NKAIN3: variants seen among roughly 807,000 people sequenced by gnomAD.
NKAIN3 encodes the protein sodium/potassium transporting ATPase interacting 3.
In NKAIN3, 25 loss-of-function variants were observed where a neutral mutation model predicts 30.2. That is an observed-to-expected ratio of 0.83 (90% CI 0.60 to 1.16). NKAIN3 has a LOEUF of 1.16. Ranked by LOEUF, NKAIN3 falls within the 50% of genes most tolerant of loss-of-function variation. NKAIN3 has a pLI of 0.00. For synonymous variants in NKAIN3, 91 were observed against 89.6 expected, an observed-to-expected ratio of 1.02 and a Z score of -0.09; for missense variants, 225 against 254.1, an observed-to-expected ratio of 0.89 and a Z score of 0.78.
intron 4 of NKAIN3, among the ~76,000 whole-genome samples, chr8:62,851,027 A>G (rs1460435877): frequency 6.6e-6 from 1 of 151,906 alleles, no homozygotes; most frequent in African/African-American, 2.4e-5. Context: ...ATGGCATTGA[A>G]TCTCTAAATT....
At chr8:62,512,878 A>T (rs1254906611) in intron 1 of NKAIN3, among the ~76,000 whole-genome samples, 10 of 152,106 alleles carry the variant, frequency 6.6e-5, no homozygotes, top group Non-Finnish European at 1.3e-4. Flanking sequence ...CTCTGAACAG[A>T]TGGTGCATTA....
chr8:62,348,106 C>T (rs1200990787), intron 1 of NKAIN3, among the ~76,000 whole-genome samples: 1 of 151,940 alleles, frequency 6.6e-6, no homozygotes, highest in Non-Finnish European at 1.5e-5. Flanking sequence ...AGCCTTGATC[C>T]TAATTTCCAA....
At chr8:62,919,991 G>T (rs1011731884) in intron 5 of NKAIN3, among the ~76,000 whole-genome samples, 1 of 147,722 alleles carries the variant, frequency 6.8e-6, no homozygotes, top group Admixed American at 6.7e-5. Flanking sequence ...TTTTCATTTT[G>T]AGGTTAACTT....
intron 3 of NKAIN3, among the ~76,000 whole-genome samples, chr8:62,738,522 C>T (rs1355074962): frequency 6.8e-6 from 1 of 147,980 alleles, no homozygotes; most frequent in Non-Finnish European, 1.5e-5. Flanking sequence ...TTGCTTGGAC[C>T]TAGGAGGCAT....
In NKAIN3 at chr8:62,874,802, T is replaced by C. The variant is rs1383781031; in HGVS notation, c.472-43651T>C. On this transcript the variant is annotated intron_variant, in intron 4 of 6. Transcript: ENST00000623646. ...TAAAAACTCTCAATAAACTAGGTAT[T>C]GATGGAATATATCTCAAAATAATAG... Among the ~76,000 whole-genome samples the C allele has an allele frequency of 2.0e-5, 3 of 152,172 alleles. No homozygotes were observed. The East Asian group carries it at 5.8e-4, about 29-fold the overall frequency.
chr8:62,572,036 C>A (rs1809959798), intron 1 of NKAIN3, among the ~76,000 whole-genome samples: 2 of 152,148 alleles, frequency 1.3e-5, no homozygotes, highest in South Asian at 2.1e-4. Flanking sequence ...CTGTAGCTGG[C>A]TTGAATTTCA....
At chr8:62,580,680 C>T (rs1305784663) in intron 2 of NKAIN3, among the ~76,000 whole-genome samples, 1 of 152,018 alleles carries the variant, frequency 6.6e-6, no homozygotes, top group African/African-American at 2.4e-5. Flanking sequence ...ATTTCTTTCA[C>T]CATTTCACAG....
chr8:62,301,494 T>C (rs1279787494), intron 1 of NKAIN3, among the ~76,000 whole-genome samples: 1 of 152,080 alleles, frequency 6.6e-6, no homozygotes, highest in Non-Finnish European at 1.5e-5. Flanking sequence ...GAACACTGTT[T>C]GAACAGTTGG....
intron 1 of NKAIN3, among the ~76,000 whole-genome samples, chr8:62,282,083 C>T (rs1470119726): frequency 6.6e-6 from 1 of 151,998 alleles, no homozygotes; most frequent in African/African-American, 2.4e-5. Context: ...ATGCACAAAT[C>T]CTTTTTGTTC....
chr8:62,658,082 A>C (rs1812818409), intron 3 of NKAIN3, among the ~76,000 whole-genome samples: 1 of 152,220 alleles, frequency 6.6e-6, no homozygotes, highest in African/African-American at 2.4e-5. Flanking sequence ...CGAGGCATAG[A>C]TAATCCCAAG....
At chr8:62,441,475 CAT>C (rs1805322655) in intron 1 of NKAIN3, among the ~76,000 whole-genome samples, 1 of 151,848 alleles carries the variant, frequency 6.6e-6, no homozygotes, top group Admixed American at 6.6e-5. Context: ...ATGTCTTGTG[CAT>C]TGTTTACACA....
rs567299338 is a variant in NKAIN3 at position 62,290,477 on chromosome 8, C to T, written c.54+41350C>T. ...AGGGCTATTGAATTTTGTCAAAGGC[C>T]TTTTCTGCATCTATTGAGATAATCA... is the stretch of plus-strand genomic sequence containing the variant. On this transcript the variant is annotated intron_variant, in intron 1 of 6. Coordinates refer to ENST00000623646, the MANE Select transcript of NKAIN3 (RefSeq NM_001304533.3). Among the ~76,000 whole-genome samples, 14 of 152,236 alleles carry T rather than the reference C, an allele frequency of 9.2e-5. No individual in the cohort carries two copies. In the East Asian group the frequency reaches 2.7e-3, roughly 29 times the overall value.
intron 2 of NKAIN3, among the ~76,000 whole-genome samples, chr8:62,580,422 G>C (rs895481458): frequency 6.6e-6 from 1 of 152,072 alleles, no homozygotes. Context: ...GCATATATAC[G>C]TATTGTAAGT....
At chr8:62,394,578 G>A (rs1214429035) in intron 1 of NKAIN3, among the ~76,000 whole-genome samples, 1 of 46,774 alleles carries the variant, frequency 2.1e-5, no homozygotes, top group African/African-American at 4.0e-5. Flanking sequence ...CACTTGGAGG[G>A]TTGCACAGTG....
At chr8:62,587,906 A>C (rs553498336) in intron 2 of NKAIN3, among the ~76,000 whole-genome samples, 90 of 152,170 alleles carry the variant, frequency 5.9e-4, no homozygotes, top group African/African-American at 2.1e-3. Flanking sequence ...AGTTTGTGCT[A>C]TGATCTTTAA....
intron 4 of NKAIN3, chr8:62,857,127 G>T (rs1482845570): frequency 5.4e-6 from 2 of 373,418 alleles, no homozygotes; most frequent in South Asian, 2.3e-5. Context: ...GACCAACTTG[G>T]ACCAGAAATT....
chr8:62,642,676 T>C (rs1812344752), intron 3 of NKAIN3, among the ~76,000 whole-genome samples: 1 of 152,118 alleles, frequency 6.6e-6, no homozygotes, highest in Non-Finnish European at 1.5e-5. Flanking sequence ...AATGTTAATC[T>C]CTTTTCTTTA....
chr8:62,754,141 T>C (rs955167892), intron 4 of NKAIN3, among the ~76,000 whole-genome samples: 4 of 152,160 alleles, frequency 2.6e-5, no homozygotes, highest in Non-Finnish European at 5.9e-5. Flanking sequence ...AGAGATGTTA[T>C]AGTTGCTTTT....
chr8:62,774,976 T>C (rs1025673303), intron 4 of NKAIN3, among the ~76,000 whole-genome samples: 5 of 152,258 alleles, frequency 3.3e-5, no homozygotes, highest in Middle Eastern at 3.4e-3. Flanking sequence ...TGGATGTGAT[T>C]GGTATTTGTT....
Sources: gnomAD v4.1 joint callset for allele counts (sites outside exome capture counted in the v4.1 genomes callset) on GRCh38, gnomAD v4.1.1 for gene constraint, MANE v1.5 for transcripts, NCBI Gene and HGNC (gene_info 2026-07-23, HGNC 2026-07-21) for gene names.